Variants in INSR observed in about 807,000 individuals in gnomAD.
The protein encoded by INSR is insulin receptor, also known as IR.
In INSR, 67 loss-of-function variants were observed where a neutral mutation model predicts 142.6. The observed-to-expected ratio is 0.47, with a 90% CI of 0.39 to 0.58. INSR has a LOEUF of 0.58. Ranked by LOEUF, INSR falls within the 20% of genes least tolerant of loss-of-function variation. The pLI is 0.00. For missense variants in INSR, 1,248 were observed against 1,833.2 expected (o/e 0.68, Z 5.83); for synonymous variants, 756 against 743.1 (o/e 1.02, Z -0.28).
At chr19:7,145,848 T>C (rs1349242860) in intron 11 of INSR, among the ~76,000 whole-genome samples, 1 of 152,248 alleles carries the variant, frequency 6.6e-6, no homozygotes, top group Non-Finnish European at 1.5e-5. Flanking sequence ...TGTTAATTAG[T>C]AATGATGAGA....
At chr19:7,265,094 C>G (rs933794831) in intron 2 of INSR, among the ~76,000 whole-genome samples, 4 of 152,200 alleles carry the variant, frequency 2.6e-5, no homozygotes, top group African/African-American at 9.6e-5. Context: ...CTTCCCACCT[C>G]CATCGCATGT....
intron 1 of INSR, among the ~76,000 whole-genome samples, chr19:7,277,870 T>A (rs1968107402): frequency 6.6e-6 from 1 of 150,458 alleles, no homozygotes; most frequent in African/African-American, 2.5e-5. Flanking sequence ...GGCGGGCAGA[T>A]CACTTGAGGT....
chr19:7,292,853 A>G (rs557074627), intron 1 of INSR, among the ~76,000 whole-genome samples: 13 of 152,174 alleles, frequency 8.5e-5, no homozygotes, highest in African/African-American at 2.9e-4. Context: ...AGGCTCACTC[A>G]AGGTCAAAGG....
Position 7,141,767 on chromosome 19 carries a change from GT to G in INSR, c.2591del (p.Asn864ThrfsTer6), listed in dbSNP as rs1568440938. On this transcript the variant is annotated frameshift_variant, in exon 13 of 22. Coordinates refer to ENST00000302850, the MANE Select transcript of INSR (RefSeq NM_000208.4). LOFTEE classifies it high-confidence loss of function. The stretch of plus-strand genomic sequence containing the variant: ...CCTGCCACATCAAGTGGACGACGTT[GT>G]TCTCAAAGATTTCATGCGTCACAGG... ...VGPVTHEIFE[N>X]NVVHLMWQEP... 6.2e-7 allele frequency: 1 copy of G among 1,614,162 alleles called. No individual in the cohort carries two copies. Among genetic ancestry groups the G allele is most frequent in the Non-Finnish European group, 8.5e-7 (1 of 1,180,030 alleles).
chr19:7,131,938 C>T (rs1193412906), intron 14 of INSR, among the ~76,000 whole-genome samples: 2 of 150,954 alleles, frequency 1.3e-5, no homozygotes, highest in Non-Finnish European at 2.9e-5. Flanking sequence ...GCGGAGGCTA[C>T]AGTGAGCTGA....
At chr19:7,221,111 C>T (rs1013549220) in intron 2 of INSR, among the ~76,000 whole-genome samples, 5 of 152,136 alleles carry the variant, frequency 3.3e-5, no homozygotes, top group South Asian at 2.1e-4. Context: ...CAGTGGCTCA[C>T]GCCTGTAATC....
chr19:7,220,790 A>G (rs905067865), intron 2 of INSR, among the ~76,000 whole-genome samples: 2 of 152,180 alleles, frequency 1.3e-5, no homozygotes, highest in African/African-American at 4.8e-5. Context: ...TATATTTTAA[A>G]TTTTACTGGT....
At chr19:7,253,364 G>A (rs954512351) in intron 2 of INSR, among the ~76,000 whole-genome samples, 4 of 151,974 alleles carry the variant, frequency 2.6e-5, no homozygotes, top group South Asian at 2.1e-4. Flanking sequence ...TCAGCCCCCC[G>A]AGTAGCTGGG....
chr19:7,217,794 C>T (rs915759552), intron 2 of INSR, among the ~76,000 whole-genome samples: 5 of 152,204 alleles, frequency 3.3e-5, no homozygotes, highest in East Asian at 1.9e-4. Flanking sequence ...CTCCTGACCT[C>T]GTGATCCACC....
intron 3 of INSR, among the ~76,000 whole-genome samples, chr19:7,182,854 A>G (rs1974310074): frequency 6.6e-6 from 1 of 151,848 alleles, no homozygotes; most frequent in Non-Finnish European, 1.5e-5. Context: ...TTAAAAAGAA[A>G]GAAATGAATC....
intron 2 of INSR, among the ~76,000 whole-genome samples, chr19:7,243,689 C>CA (rs1254737369): frequency 6.6e-6 from 1 of 152,068 alleles, no homozygotes; most frequent in Non-Finnish European, 1.5e-5. Flanking sequence ...GAAGACATTG[C>CA]AAAATAAAAC....
At chr19:7,120,804 T>C in intron 19 of INSR, 55 bp from the exon 20 acceptor site, 1 of 1,603,134 alleles carries the variant, frequency 6.2e-7, no homozygotes, top group Non-Finnish European at 8.5e-7. Context: ...TCCTAGCATC[T>C]GCCACCTTGA....
intron 2 of INSR, among the ~76,000 whole-genome samples, chr19:7,253,458 G>T (rs796221157): frequency 6.6e-6 from 1 of 151,674 alleles, no homozygotes; most frequent in Non-Finnish European, 1.5e-5. Flanking sequence ...GGCTGGTCTC[G>T]AACTCCTGAC....
At chr19:7,262,013 A>G (rs1484591811) in intron 2 of INSR, among the ~76,000 whole-genome samples, 5 of 152,218 alleles carry the variant, frequency 3.3e-5, no homozygotes, top group Admixed American at 2.6e-4. Context: ...TGTGGAAGAC[A>G]AAAATAGCAA....
intron 17 of INSR, among the ~76,000 whole-genome samples, chr19:7,124,876 G>A (rs1234953531): frequency 6.6e-6 from 1 of 151,322 alleles, no homozygotes; most frequent in Non-Finnish European, 1.5e-5. Context: ...GTATCAGGTG[G>A]ACCTCTATGT....
chr19:7,178,245 G>T (rs1291885798), intron 3 of INSR, among the ~76,000 whole-genome samples: 2 of 85,462 alleles, frequency 2.3e-5, no homozygotes, highest in African/African-American at 8.0e-5. Flanking sequence ...GTGACTTGTG[G>T]GGGGGGGGGT....
chr19:7,136,071 C>T (rs1417195329), intron 13 of INSR, among the ~76,000 whole-genome samples: 2 of 152,112 alleles, frequency 1.3e-5, no homozygotes, highest in East Asian at 3.8e-4. Flanking sequence ...GATTTCTCCT[C>T]ATCCTCACCG....
intron 2 of INSR, among the ~76,000 whole-genome samples, chr19:7,249,138 A>C (rs1976630155): frequency 6.6e-6 from 1 of 152,108 alleles, no homozygotes; most frequent in Non-Finnish European, 1.5e-5. Flanking sequence ...TACATTGACA[A>C]ATTTAAGACC....
intron 2 of INSR, among the ~76,000 whole-genome samples, chr19:7,223,803 TA>T (rs1399705402): frequency 6.6e-6 from 1 of 152,124 alleles, no homozygotes; most frequent in Non-Finnish European, 1.5e-5. Flanking sequence ...ACATGCTCAA[TA>T]ACTCTATACA....
Sources: gnomAD v4.1 joint callset for allele counts (sites outside exome capture counted in the v4.1 genomes callset) on GRCh38, gnomAD v4.1.1 for gene constraint, MANE v1.5 for transcripts, NCBI Gene and HGNC (gene_info 2026-07-23, HGNC 2026-07-21) for gene names.